ZNF599: variants seen among roughly 807,000 people sequenced by gnomAD.
The protein encoded by ZNF599 is zinc finger protein 599.
Under a neutral mutation model 11.7 loss-of-function variants are expected in ZNF599, and 10 were observed. The ratio of observed to expected loss-of-function variants is 0.86; its 90% CI spans 0.53 to 1.45. The LOEUF (loss-of-function observed/expected upper bound fraction) is 1.45, where lower values mean the gene tolerates loss of function less well. ZNF599 is among the 40% of genes most tolerant of loss of function. The pLI, the probability that ZNF599 is intolerant of heterozygous loss-of-function variation, is 0.00. For synonymous variants in ZNF599, 232 were observed against 253.2 expected (o/e 0.92, Z 0.79); for missense variants, 688 against 713.6 (o/e 0.96, Z 0.41).
chr19:34,769,486 G>C lies in ZNF599; in HGVS notation c.88C>G (p.Gln30Glu). The change falls in exon 2 of 4, where the codon CAG (glutamine) becomes GAG (glutamate). Residue 30 changes from glutamine to glutamate, a missense_variant. Coordinates refer to ENST00000329285, the MANE Select transcript of ZNF599 (RefSeq NM_001007248.3). ...GEEWGHLDLA[Q>E]RTLYQEVMLE... ...ATCACCTCCTGGTACAGGGTCCTCT[G>C]GGCCAGGTCCAGGTGCCCCCATTCC... The C allele has an allele frequency of 6.2e-7, 1 of 1,614,204 alleles. No homozygotes were observed. The highest frequency in any genetic ancestry group is 2.2e-5 in the East Asian group (1 of 44,882).
the ZNF599 span, among the ~76,000 whole-genome samples, chr19:34,781,033 G>A: frequency 6.6e-6 from 1 of 152,100 alleles, no homozygotes; most frequent in Non-Finnish European, 1.5e-5. Flanking sequence ...GCGGGCACCT[G>A]TAGTCCCAGC....
the ZNF599 span, among the ~76,000 whole-genome samples, chr19:34,801,710 G>T: frequency 2.3e-3 from 353 of 152,318 alleles, 1 homozygote; most frequent in African/African-American, 7.9e-3. Context: ...GTGCTGTATG[G>T]CTTTTCCTGT....
chr19:34,800,523 T>G, the ZNF599 span, among the ~76,000 whole-genome samples: 2 of 152,060 alleles, frequency 1.3e-5, no homozygotes, highest in Non-Finnish European at 2.9e-5. Flanking sequence ...TCCAGTCTAC[T>G]GATGAGCCCT....
the ZNF599 span, among the ~76,000 whole-genome samples, chr19:34,788,852 G>T: frequency 6.6e-6 from 1 of 152,062 alleles, no homozygotes; most frequent in African/African-American, 2.4e-5. Flanking sequence ...GTATATATTT[G>T]CCATGTGCAA....
At chr19:34,782,369 ATCT>A in the ZNF599 span, among the ~76,000 whole-genome samples, 2,246 of 152,342 alleles carry the variant, frequency 0.015, 54 homozygotes, top group African/African-American at 0.051. Flanking sequence ...CCAAATAGTG[ATCT>A]TCTTAGTGCC....
At chr19:34,803,446 G>T in the ZNF599 span, among the ~76,000 whole-genome samples, 988 of 152,246 alleles carry the variant, frequency 6.5e-3, 11 homozygotes, top group South Asian at 0.05. Flanking sequence ...TTCCCTCCAG[G>T]AGAAGTGCAT....
chr19:34,787,112 G>A, the ZNF599 span, among the ~76,000 whole-genome samples: 1 of 152,172 alleles, frequency 6.6e-6, no homozygotes, highest in African/African-American at 2.4e-5. Context: ...TTAAAATCCA[G>A]TGAATAAAAT....
Position 34,767,354 on chromosome 19 carries a change from C to G in ZNF599, c.203G>C (p.Trp68Ser), listed in dbSNP as rs762812024. ...TTGGGAGAGGCCTCTCTTCACTGTC[C>G]ACAGTTCCTGTCCATGTTCCAGTAG... ...IYLLEHGQEL[W>S]TVKRGLSQST... The change falls in exon 3 of 4, where the codon TGG (tryptophan) becomes TCG (serine). Residue 68 changes from tryptophan (W) to serine (S), a missense_variant. By Grantham distance (177) the Trp-to-Ser change is radical. Coordinates refer to ENST00000329285, the MANE Select transcript of ZNF599 (RefSeq NM_001007248.3). 6.2e-7 allele frequency: 1 copy of G among 1,614,200 alleles called. No homozygotes were observed. The highest frequency in any genetic ancestry group is 1.3e-5 in the African/African-American group (1 of 75,048).
At chr19:34,795,568 C>T in the ZNF599 span, among the ~76,000 whole-genome samples, 1 of 152,194 alleles carries the variant, frequency 6.6e-6, no homozygotes, top group Admixed American at 6.5e-5. Flanking sequence ...ATGTGAGCCA[C>T]TGTGCTTGGC....
At chr19:34,797,044 A>G in the ZNF599 span, among the ~76,000 whole-genome samples, 2 of 143,044 alleles carry the variant, frequency 1.4e-5, no homozygotes, top group Admixed American at 7.7e-5. Flanking sequence ...ATTCCCACCT[A>G]TGAGTGAGCA....
intron 3 of ZNF599, among the ~76,000 whole-genome samples, chr19:34,766,047 T>C (rs1052737030): frequency 2.0e-5 from 3 of 152,144 alleles, no homozygotes; most frequent in South Asian, 2.1e-4. Context: ...TCTCCACTCA[T>C]TGAAAGAGGC....
chr19:34,765,625 C>A, intron 3 of ZNF599: 1 of 703,084 alleles, frequency 1.4e-6, no homozygotes, highest in South Asian at 1.5e-5. Context: ...AACTCTTCCA[C>A]AGAAGTGAGA....
chr19:34,800,779 G>C, the ZNF599 span, among the ~76,000 whole-genome samples: 1 of 151,776 alleles, frequency 6.6e-6, no homozygotes, highest in African/African-American at 2.4e-5. Context: ...GCTTTTAGTA[G>C]AGACGGGGTT....
the ZNF599 span, chr19:34,779,358 C>T: frequency 2.8e-6 from 1 of 355,920 alleles, no homozygotes; most frequent in Non-Finnish European, 5.5e-6. Flanking sequence ...GCCTTGGCCA[C>T]CCTAACTGCT....
the ZNF599 span, among the ~76,000 whole-genome samples, chr19:34,806,515 C>G: frequency 6.6e-6 from 1 of 152,194 alleles, no homozygotes; most frequent in African/African-American, 2.4e-5. Context: ...GCAAAATTTC[C>G]TGAACTTGTT....
chr19:34,759,257 G>A lies in ZNF599; in HGVS notation c.1544C>T (p.Ala515Val). ...KPYVCRECGKAFTQPANFVRH... is the reference protein window; with the variant it reads ...KPYVCRECGKVFTQPANFVRH... Reference sequence around the variant, plus strand: ...AACAAAATTTGCAGGTTGGGTAAAAGCCTTTCCACATTCTCTACAAACATA... The same window carrying A: ...AACAAAATTTGCAGGTTGGGTAAAAACCTTTCCACATTCTCTACAAACATA... The change falls in exon 4 of 4, where the codon GCT becomes GTT. Residue 515 changes from alanine to valine, a missense_variant. Physicochemically the swap from Ala to Val is moderately conservative, Grantham distance 64. Transcript: ENST00000329285. 1 of 1,614,236 alleles carries A rather than the reference G, an allele frequency of 6.2e-7. No homozygotes were observed. The highest frequency in any genetic ancestry group is 8.5e-7 in the Non-Finnish European group (1 of 1,180,040).
chr19:34,768,061 C>G (rs1162284790), intron 2 of ZNF599, among the ~76,000 whole-genome samples: 1 of 152,322 alleles, frequency 6.6e-6, no homozygotes, highest in South Asian at 2.1e-4. Flanking sequence ...GACTGAGGCA[C>G]CAGGACCCAG....
the ZNF599 span, among the ~76,000 whole-genome samples, chr19:34,801,207 A>G: frequency 6.6e-6 from 1 of 152,196 alleles, no homozygotes; most frequent in Non-Finnish European, 1.5e-5. Flanking sequence ...TTCCACTATC[A>G]CAGTAACAAG....
At position 34,772,968 on chromosome 19, in the gene ZNF599, C is replaced by G. The variant is rs1318818088; in HGVS notation, c.-127G>C. ...TCCCCGCCGTCGTGTAAAATGCACA[C>G]AAGGTTCGCGGCGCCGCCTCTGCGC... On this transcript the variant is annotated 5_prime_UTR_variant, in exon 1 of 4. Transcript: ENST00000329285. 1.7e-6 allele frequency: 2 copies of G among 1,198,886 alleles called. No individual in the cohort carries two copies. Among genetic ancestry groups the G allele is most frequent in the Non-Finnish European group, 2.2e-6 (2 of 905,670 alleles). The allele number at this position is 1,198,886 out of a possible 1,614,324, so 74.3% of individuals were successfully genotyped here.
Sources: allele counts gnomAD v4.1 joint callset (sites outside exome capture counted in the v4.1 genomes callset), GRCh38; gene constraint gnomAD v4.1.1; transcripts MANE v1.5; gene names NCBI Gene and HGNC (gene_info 2026-07-23, HGNC 2026-07-21).